ZNF606: variants seen among roughly 807,000 people sequenced by gnomAD.
ZNF606 encodes the protein zinc finger protein 606, also known as zinc finger protein 328.
In ZNF606, 37 loss-of-function variants were observed where a neutral mutation model predicts 74.9. That is an observed-to-expected ratio of 0.49 (90% confidence interval 0.38 to 0.65). The LOEUF (loss-of-function observed/expected upper bound fraction) is 0.65. Ranked by LOEUF, ZNF606 falls within the 30% of genes least tolerant of loss-of-function variation. The pLI, the probability that ZNF606 is intolerant of heterozygous loss-of-function variation, is 0.00. For missense variants in ZNF606, 852 were observed against 952.9 expected (o/e 0.89, Z 1.39); for synonymous variants, 328 against 312.4 (o/e 1.05, Z -0.53).
rs954017434 is a variant in ZNF606 at position 57,978,628 on chromosome 19, C to A, written c.2052G>T (p.Gln684His). 1.2e-6 allele frequency: 2 copies of A among 1,613,892 alleles called. No individual in the cohort carries two copies. The highest frequency in any genetic ancestry group is 2.2e-5 in the East Asian group (1 of 44,860). The change falls in exon 7 of 7, where the codon CAG becomes CAT. Residue 684 changes from glutamine (Q) to histidine (H), a missense_variant. Transcript: ENST00000551380. The surrounding 1 kb of genome is among the most constrained non-coding windows in gnomAD (Gnocchi z 4.4). ...HTGEKPYKCN[Q>H]CERSFNCSSH... ...AACTACAGTTAAAGGATCTTTCACA[C>A]TGATTACATTTATAGGGTTTCTCAC...
chr19:57,988,040 G>A (rs1028249983), intron 6 of ZNF606, among the ~76,000 whole-genome samples, 167 bp downstream of exon 6: 7 of 152,182 alleles, frequency 4.6e-5, no homozygotes, highest in African/African-American at 7.2e-5. Context: ...TACCTTATTA[G>A]GATGGTGATG....
At chr19:57,982,952 G>A (rs886781481) in intron 6 of ZNF606, among the ~76,000 whole-genome samples, 3 of 150,808 alleles carry the variant, frequency 2.0e-5, no homozygotes, top group South Asian at 2.1e-4. Flanking sequence ...TGGCCCCCAC[G>A]ACCATTATAA....
At chr19:57,999,422 T>C (rs1295129449) in intron 4 of ZNF606, 8 of 281,048 alleles carry the variant, frequency 2.8e-5, no homozygotes, top group East Asian at 2.4e-4. Context: ...TGGGAGCTCC[T>C]CAGGGTGAAG....
rs560592722 is a variant in ZNF606, at chr19:58,000,640, G to A, written c.88+43C>T. The A allele has an allele frequency of 9.9e-6, 16 of 1,608,250 alleles. No homozygotes were observed. In the South Asian group the frequency reaches 1.1e-4, roughly 11 times the overall value. On this transcript the variant is annotated intron_variant, in intron 3 of 6. Coordinates refer to ENST00000551380, the MANE Select transcript of ZNF606 (RefSeq NM_001348022.3). ...CTGTGGCAGAGCACTACAGCCAGAG[G>A]CCACAATATGGCAGCCCACAGCTGA...
At chr19:58,001,090 G>A in intron 2 of ZNF606, 199 bp downstream of exon 2, 1 of 635,286 alleles carries the variant, frequency 1.6e-6, no homozygotes, top group Non-Finnish European at 2.7e-6. Context: ...CACCTCTCAG[G>A]AGATGACTAT....
chr19:57,988,595 C>A lies in ZNF606; in HGVS notation c.304G>T (p.Gly102Ter), dbSNP rs777727469. 2 of 1,612,754 alleles carry A rather than the reference C, an allele frequency of 1.2e-6. No homozygotes were observed. The highest frequency in any genetic ancestry group is 3.3e-5 in the Admixed American group (2 of 59,912). ...TTTACTTGGGCAGCACCTGCCTTAC[C>A]CACAGAGAGCAGGTGACCATAGGTC... ...LETYGHLLSVGNQIAKPEVIS... is the reference protein window; with the variant it reads ...LETYGHLLSV The change falls in exon 5 of 7, where the codon GGA becomes TGA. Residue 102 changes from glycine to a stop codon, truncating the protein, a stop_gained and splice_region_variant. Transcript: ENST00000551380. LOFTEE classifies it high-confidence loss of function.
chr19:58,001,439 G>A, intron 1 of ZNF606, 69 bp from the exon 2 acceptor site: 1 of 1,271,412 alleles, frequency 7.9e-7, no homozygotes, highest in South Asian at 1.3e-5. Context: ...AACAAAGAAG[G>A]GAATCCATCC....
At chr19:58,000,053 G>A (rs1442519269) in intron 3 of ZNF606, among the ~76,000 whole-genome samples, 157 bp from the exon 4 acceptor site, 2 of 150,500 alleles carry the variant, frequency 1.3e-5, no homozygotes, top group Non-Finnish European at 3.0e-5. Flanking sequence ...GCTCAGAGAA[G>A]GTTAGGAAAG....
At chr19:57,991,791 A>C (rs1329675351) in intron 4 of ZNF606, among the ~76,000 whole-genome samples, 1 of 151,742 alleles carries the variant, frequency 6.6e-6, no homozygotes, top group African/African-American at 2.4e-5. Context: ...AAATAAATAA[A>C]TAAATAAATA....
intron 6 of ZNF606, among the ~76,000 whole-genome samples, chr19:57,980,858 G>T (rs1055267511): frequency 6.8e-6 from 1 of 147,090 alleles, no homozygotes; most frequent in Admixed American, 6.8e-5. Context: ...AAAAAAATGT[G>T]CAAGAAAGAG....
intron 4 of ZNF606, 134 bp from the exon 5 acceptor site, chr19:57,988,855 CTAATGTGAG>C: frequency 7.0e-7 from 1 of 1,420,646 alleles, no homozygotes; most frequent in Non-Finnish European, 9.7e-7. Context: ...AAGAGTCTGA[CTAATGTGAG>C]TCAGGTCTCA....
At position 58,002,505 on chromosome 19, in the gene ZNF606, T is replaced by C. The variant is rs1278420721; in HGVS notation, c.-161A>G. 2 of 444,380 alleles carry C rather than the reference T, an allele frequency of 4.5e-6. No homozygotes were observed. The highest frequency in any genetic ancestry group is 4.5e-6 in the Non-Finnish European group (1 of 221,030). 27.5% of individuals were successfully genotyped at this position (444,380 alleles called of 1,614,324 possible). ...GCCGAGGTCCGGCCCAGGAGTGCGC[T>C]TGGGAGCTCCCGGCGCGGCCTCGGG... On this transcript the variant is annotated 5_prime_UTR_variant, in exon 1 of 7. Coordinates refer to ENST00000551380, the MANE Select transcript of ZNF606 (RefSeq NM_001348022.3).
intron 5 of ZNF606, 112 bp downstream of exon 5, chr19:57,988,483 C>G (rs1471714436): frequency 6.7e-7 from 1 of 1,497,136 alleles, no homozygotes; most frequent in African/African-American, 1.4e-5. Context: ...CCAAGATCAT[C>G]TCAGCTCTTC....
At position 57,999,838 on chromosome 19, in the gene ZNF606, C is replaced by T. The variant is rs2073391015; in HGVS notation, c.147G>A (p.Arg49=). The change falls in exon 4 of 7, where the codon AGG becomes AGA. Residue 49 remains arginine (R), a synonymous_variant. Coordinates refer to ENST00000551380, the MANE Select transcript of ZNF606 (RefSeq NM_001348022.3). ...CCTGGGCTGCTGGGAGCCCAGTGGC[C>T]CTCCTCCCCTCCTCCAGGCTTCCCT... ...HVEGSLEEGR[R]ATGLPAAQVQ... 1 of 1,613,846 alleles carries T rather than the reference C, an allele frequency of 6.2e-7. No homozygotes were observed. The highest frequency in any genetic ancestry group is 1.3e-5 in the African/African-American group (1 of 74,874).
chr19:57,995,743 C>T (rs1001459138), intron 4 of ZNF606, among the ~76,000 whole-genome samples: 4 of 152,004 alleles, frequency 2.6e-5, no homozygotes, highest in Admixed American at 6.6e-5. Flanking sequence ...CCTTTGAACC[C>T]GGGAGGCGGA....
chr19:57,995,687 C>T lies in ZNF606; in HGVS notation c.177+4121G>A, dbSNP rs141907786. Among the ~76,000 whole-genome samples, 856 of 152,224 alleles carry T rather than the reference C, an allele frequency of 5.6e-3. 11 individuals carry two copies. The highest frequency in any genetic ancestry group is 0.02 in the African/African-American group (828 of 41,532). ...TACAAAAATTAGCCAGATATGGTGG[C>T]ACACGCCTGCAATCCTAGCTACTTG... On this transcript the variant is annotated intron_variant, in intron 4 of 6. Coordinates refer to ENST00000551380, the MANE Select transcript of ZNF606 (RefSeq NM_001348022.3).
intron 4 of ZNF606, among the ~76,000 whole-genome samples, chr19:57,996,241 C>T (rs562066782): frequency 6.6e-6 from 1 of 152,330 alleles, no homozygotes; most frequent in South Asian, 2.1e-4. Flanking sequence ...ATGGCTCACG[C>T]CTGTAATCCC....
At chr19:57,985,400 C>G (rs1206093154) in intron 6 of ZNF606, among the ~76,000 whole-genome samples, 1 of 152,142 alleles carries the variant, frequency 6.6e-6, no homozygotes. Context: ...ACTGGAAAAG[C>G]TGGTCTTTAT....
intron 4 of ZNF606, among the ~76,000 whole-genome samples, chr19:57,992,928 T>C (rs886582554): frequency 4.6e-5 from 7 of 152,224 alleles, no homozygotes; most frequent in Non-Finnish European, 7.3e-5. Context: ...GTGACTGTTA[T>C]CTTAATGATA....
Sources: gnomAD v4.1 joint callset for allele counts (sites outside exome capture counted in the v4.1 genomes callset) on GRCh38, gnomAD v4.1.1 for gene constraint, Gnocchi (gnomAD v3.1) non-coding constraint, MANE v1.5 for transcripts, NCBI Gene and HGNC (gene_info 2026-07-23, HGNC 2026-07-21) for gene names.